Variants in INTS6 observed in about 807,000 individuals in gnomAD.
The protein encoded by INTS6 is DEAD box protein.
In INTS6, 16 loss-of-function variants were observed where a neutral mutation model predicts 104.9. That is an observed-to-expected ratio of 0.15 (90% confidence interval 0.10 to 0.23). The LOEUF (loss-of-function observed/expected upper bound fraction) is 0.23. Among genes scored for constraint, INTS6 ranks in the 10% least tolerant of loss-of-function variants. The probability of loss-of-function intolerance (pLI) is 1.00; values close to 1 mark genes in which losing one functional copy is unlikely to be tolerated. For missense variants in INTS6, 584 were observed against 1,062.8 expected, an observed-to-expected ratio of 0.55 and a Z score of 6.26; for synonymous variants, 324 against 358.7, an observed-to-expected ratio of 0.90 and a Z score of 1.09.
At chr13:51,446,801 A>G (rs1205701009) in intron 3 of INTS6, 2 of 152,224 alleles carry the variant, frequency 1.3e-5, no homozygotes, top group Admixed American at 1.3e-4. Context: ...GAGCCCATCT[A>G]AAAAGGCAAA....
intron 4 of INTS6, among the ~76,000 whole-genome samples, chr13:51,403,011 TA>T (rs1221388423): frequency 1.3e-5 from 2 of 152,126 alleles, no homozygotes; most frequent in Non-Finnish European, 2.9e-5. Context: ...CTACGCCAAA[TA>T]AACAAGATTT....
intron 4 of INTS6, among the ~76,000 whole-genome samples, chr13:51,416,553 T>C (rs945633892): frequency 2.6e-5 from 4 of 152,350 alleles, no homozygotes; most frequent in East Asian, 1.9e-4. Context: ...TGTGAGAGAA[T>C]TGTATTCCTT....
At chr13:51,450,312 T>A (rs754807653) in intron 3 of INTS6, 17 of 985,418 alleles carry the variant, frequency 1.7e-5, no homozygotes, top group Non-Finnish European at 1.9e-5. Flanking sequence ...AGTGAATTAT[T>A]GTTGATTTAA....
chr13:51,441,892 C>T (rs1055022662), intron 3 of INTS6: 7 of 150,988 alleles, frequency 4.6e-5, no homozygotes, highest in Non-Finnish European at 7.4e-5. Flanking sequence ...ACAATCTTGG[C>T]TCACAGCAAC....
intron 11 of INTS6, among the ~76,000 whole-genome samples, chr13:51,378,686 A>G (rs1955983311): frequency 6.6e-6 from 1 of 152,000 alleles, no homozygotes. Flanking sequence ...GGACAAACAC[A>G]ATTTCAATTT....
chr13:51,417,881 C>T (rs1009534039), intron 4 of INTS6, among the ~76,000 whole-genome samples: 3 of 152,218 alleles, frequency 2.0e-5, no homozygotes, highest in South Asian at 2.1e-4. Flanking sequence ...TGTCCTTATG[C>T]AGTACAATAC....
At chr13:51,368,827 G>C (rs1330959107) in intron 16 of INTS6, 112 bp downstream of exon 16, 1 of 1,102,952 alleles carries the variant, frequency 9.1e-7, no homozygotes, top group Non-Finnish European at 1.3e-6. Flanking sequence ...GTTCAAGACA[G>C]ATCTAGAATC....
chr13:51,343,391 C>A, the INTS6 span, among the ~76,000 whole-genome samples: 8 of 152,158 alleles, frequency 5.3e-5, no homozygotes, highest in African/African-American at 7.2e-5. Context: ...TGGGCAAGAG[C>A]CCTCGTTCCA....
At chr13:51,402,340 A>AC (rs2137994835) in intron 4 of INTS6, among the ~76,000 whole-genome samples, 1 of 152,312 alleles carries the variant, frequency 6.6e-6, no homozygotes, top group Non-Finnish European at 1.5e-5. Flanking sequence ...CACTCAAGTA[A>AC]CCCATGCTAT....
chr13:51,420,328 G>T, intron 4 of INTS6, among the ~76,000 whole-genome samples: 6 of 145,928 alleles, frequency 4.1e-5, no homozygotes, highest in Admixed American at 6.8e-5. Context: ...AATATAGGTG[G>T]TTCATTTAAA....
At chr13:51,379,635 T>G (rs1252720282) in intron 10 of INTS6, 63 bp from the exon 11 acceptor site, 1 of 879,390 alleles carries the variant, frequency 1.1e-6, no homozygotes, top group East Asian at 2.8e-5. Context: ...GTTCCATGTA[T>G]AGTCTGTCTT....
chr13:51,450,982 A>T, intron 3 of INTS6, 43 bp downstream of exon 3: 1 of 1,455,758 alleles, frequency 6.9e-7, no homozygotes, highest in South Asian at 1.6e-5. Flanking sequence ...TTTTTCCACA[A>T]AATGAAAAAT....
downstream of INTS6, among the ~76,000 whole-genome samples, chr13:51,359,798 T>C (rs1219344573): frequency 6.6e-6 from 1 of 152,128 alleles, no homozygotes; most frequent in Non-Finnish European, 1.5e-5. Flanking sequence ...TAAAGCTCTT[T>C]GTAACTTTGG....
intron 4 of INTS6, among the ~76,000 whole-genome samples, chr13:51,413,284 T>C (rs983939817): frequency 1.3e-5 from 2 of 152,190 alleles, no homozygotes; most frequent in African/African-American, 4.8e-5. Flanking sequence ...GTCCCTTACC[T>C]GGGTATTTCT....
At chr13:51,381,260 A>T (rs1319819550) in intron 10 of INTS6, among the ~76,000 whole-genome samples, 1 of 152,230 alleles carries the variant, frequency 6.6e-6, no homozygotes, top group African/African-American at 2.4e-5. Flanking sequence ...ACTGAGAGAC[A>T]ACTATAATCA....
chr13:51,414,675 G>T (rs1324521603), intron 4 of INTS6, among the ~76,000 whole-genome samples: 1 of 152,112 alleles, frequency 6.6e-6, no homozygotes, highest in Non-Finnish European at 1.5e-5. Flanking sequence ...GTGAAACTGA[G>T]TGGGTATTTC....
chr13:51,445,589 A>G (rs1952898258), intron 3 of INTS6: 1 of 152,260 alleles, frequency 6.6e-6, no homozygotes. Flanking sequence ...ATTATTGCCA[A>G]CTTGGAATAA....
chr13:51,430,226 G>C, intron 4 of INTS6, 68 bp downstream of exon 4: 10 of 1,322,866 alleles, frequency 7.6e-6, no homozygotes, highest in Non-Finnish European at 1.1e-5. Context: ...AAGGTGTTCA[G>C]TATCCTACAA....
chr13:51,419,570 A>G (rs375484770), intron 4 of INTS6, among the ~76,000 whole-genome samples: 2 of 152,212 alleles, frequency 1.3e-5, no homozygotes, highest in Non-Finnish European at 2.9e-5. Context: ...TCCTAGAGCC[A>G]GCTCCGGCCT....
Sources: gnomAD v4.1 joint callset for allele counts (sites outside exome capture counted in the v4.1 genomes callset) on GRCh38, gnomAD v4.1.1 for gene constraint, MANE v1.5 for transcripts, NCBI Gene and HGNC (gene_info 2026-07-23, HGNC 2026-07-21) for gene names.